ABLIM1: variants seen among roughly 807,000 people sequenced by gnomAD.
ABLIM1 encodes the protein actin binding LIM protein 1.
A neutral mutation model predicts 107.0 loss-of-function variants in ABLIM1; 40 were observed. The ratio of observed to expected loss-of-function variants is 0.37; its 90% CI spans 0.29 to 0.49. The LOEUF (loss-of-function observed/expected upper bound fraction) is 0.49. ABLIM1 is among the 20% of genes least tolerant of loss of function. ABLIM1 has a pLI of 0.97. For missense variants in ABLIM1, 857 were observed against 1,008.5 expected (o/e 0.85, Z 2.04); for synonymous variants, 357 against 357.3 (o/e 1.00, Z 0.01).
At chr10:114,451,123 C>T (rs904228293) in intron 14 of ABLIM1, among the ~76,000 whole-genome samples, 2 of 152,162 alleles carry the variant, frequency 1.3e-5, no homozygotes, top group Non-Finnish European at 2.9e-5. Flanking sequence ...AGAGCCTTGA[C>T]CTCTGTGTTA....
At chr10:114,512,588 G>GC (rs34126514) in intron 6 of ABLIM1, among the ~76,000 whole-genome samples, 48,748 of 151,952 alleles carry the variant, frequency 0.32, 9,677 homozygotes, top group Non-Finnish European at 0.45. Context: ...ACTTTAGGAG[G>GC]CCGAGGAGGA....
chr10:114,758,529 AT>A (rs941916718), intron 1 of ABLIM1, among the ~76,000 whole-genome samples: 1 of 151,998 alleles, frequency 6.6e-6, no homozygotes, highest in Non-Finnish European at 1.5e-5. Flanking sequence ...TCTTTTCTAC[AT>A]TTTTTTGACT....
rs2059264106 is a variant in ABLIM1 at position 114,435,324 on chromosome 10, T to A, written c.*936A>T. 6.6e-6 allele frequency: 1 copy of A among 152,188 alleles called. No individual in the cohort carries two copies. Among genetic ancestry groups the A allele is most frequent in the South Asian group, 2.1e-4 (1 of 4,814 alleles). 9.4% of individuals were successfully genotyped at this position (152,188 alleles called of 1,614,324 possible). A position where few individuals can be genotyped will look rare whatever the true frequency, so the allele number is the denominator to read the frequency against. On this transcript the variant is annotated 3_prime_UTR_variant, in exon 23 of 23. Transcript: ENST00000533213. Reference sequence around the variant, plus strand: ...AGGATAACGACTGGAAGAACTAGAGTCAGTAGGACATGGGACTTGTTTTTG... The same window carrying A: ...AGGATAACGACTGGAAGAACTAGAGACAGTAGGACATGGGACTTGTTTTTG...
intron 1 of ABLIM1, among the ~76,000 whole-genome samples, chr10:114,756,958 G>T (rs74158051): frequency 6.6e-6 from 1 of 152,154 alleles, no homozygotes; most frequent in African/African-American, 2.4e-5. Flanking sequence ...AAGGAAAGGA[G>T]CTAGGATCCC....
chr10:114,749,755 C>T (rs1455946577), intron 1 of ABLIM1, among the ~76,000 whole-genome samples: 1 of 152,106 alleles, frequency 6.6e-6, no homozygotes. Context: ...GCCCTAAACA[C>T]TCCAAGCACA....
chr10:114,553,182 G>C (rs2068291421), intron 4 of ABLIM1, among the ~76,000 whole-genome samples: 2 of 152,130 alleles, frequency 1.3e-5, no homozygotes, highest in African/African-American at 2.4e-5. Flanking sequence ...TGAGGACATG[G>C]GGCTAGCTAT....
At chr10:114,466,485 C>T (rs149064578) in intron 11 of ABLIM1, among the ~76,000 whole-genome samples, 1 of 152,182 alleles carries the variant, frequency 6.6e-6, no homozygotes, top group East Asian at 1.9e-4. Context: ...CATACTATCA[C>T]CTCCCTCCCC....
intron 12 of ABLIM1, among the ~76,000 whole-genome samples, chr10:114,461,396 T>G (rs1172190326): frequency 4.0e-5 from 4 of 101,104 alleles, no homozygotes; most frequent in Non-Finnish European, 6.3e-5. Context: ...CTGAAGGGTT[T>G]TTTTTTTTTT....
intron 1 of ABLIM1, among the ~76,000 whole-genome samples, chr10:114,640,361 T>C (rs2078684749): frequency 6.6e-6 from 1 of 152,194 alleles, no homozygotes; most frequent in African/African-American, 2.4e-5. Context: ...ACCTCGTCTC[T>C]ACTAAAAATA....
intron 1 of ABLIM1, among the ~76,000 whole-genome samples, chr10:114,698,596 G>T (rs1429134767): frequency 6.6e-6 from 1 of 152,040 alleles, no homozygotes; most frequent in Non-Finnish European, 1.5e-5. Context: ...GAAGAAAAAT[G>T]ACAAAATAGC....
chr10:114,772,532 A>G (rs765355372), upstream of ABLIM1, among the ~76,000 whole-genome samples: 3 of 152,146 alleles, frequency 2.0e-5, no homozygotes, highest in Admixed American at 6.5e-5. Flanking sequence ...ACTGGAGCCC[A>G]GGAGATTGAG....
chr10:114,529,123 C>T (rs1240590397), intron 6 of ABLIM1, among the ~76,000 whole-genome samples: 1 of 151,534 alleles, frequency 6.6e-6, no homozygotes, highest in Non-Finnish European at 1.5e-5. Context: ...GAGTCTTCAT[C>T]CTCTTTTTTT....
intron 1 of ABLIM1, among the ~76,000 whole-genome samples, chr10:114,644,097 T>C (rs113239194): frequency 0.021 from 3,198 of 150,354 alleles, 96 homozygotes; most frequent in African/African-American, 0.073. Context: ...CTGGCTAACA[T>C]GGTGAAACCC....
rs539966250 is a variant in ABLIM1 at position 114,492,174 on chromosome 10, G to A, written c.895-296C>T. Among the ~76,000 whole-genome samples the A allele has an allele frequency of 6.6e-5, 10 of 152,024 alleles. No individual in the cohort carries two copies. In the South Asian group the frequency reaches 1.9e-3, roughly 29 times the overall value. ...GATGGCTGCCACTAACACACCATAT[G>A]CCTGAGATGAGTCACTCCATCTCCC... On this transcript the variant is annotated intron_variant, in intron 6 of 22. Coordinates refer to ENST00000533213, the MANE Select transcript of ABLIM1 (RefSeq NM_002313.7).
chr10:114,465,881 C>A, intron 11 of ABLIM1, 54 bp from the exon 12 acceptor site: 4 of 1,582,120 alleles, frequency 2.5e-6, no homozygotes, highest in East Asian at 4.5e-5. Context: ...GTAGGAACCA[C>A]GCTTCACAAA....
chr10:114,692,509 A>G lies in ABLIM1; in HGVS notation c.-213+75552T>C, dbSNP rs1206541109. Among the ~76,000 whole-genome samples the G allele has an allele frequency of 2.0e-5, 3 of 152,158 alleles. No individual in the cohort carries two copies. In the East Asian group the frequency reaches 5.8e-4, roughly 29 times the overall value. ...TTGCAATGATCTTCCATATTTCCCC[A>G]AAAAACCTTTCCCCCCATCATCTCC... On this transcript the variant is annotated intron_variant, in intron 1 of 15. Coordinates refer to the ABLIM1 transcript ENST00000651092.
intron 1 of ABLIM1, among the ~76,000 whole-genome samples, chr10:114,631,410 C>A (rs982306769): frequency 6.6e-6 from 1 of 152,138 alleles, no homozygotes; most frequent in Non-Finnish European, 1.5e-5. Context: ...AGGTTATACA[C>A]GCAGAGCACC....
rs577161442 is a variant in ABLIM1, at chr10:114,542,551, G to A, written c.894+2454C>T. ...AGGAAGAAGGAGGAGGGAGAAGGGA[G>A]GAGGAGGGAAGAGAAGGGAGGAGGA... is the stretch of plus-strand genomic sequence containing the variant. On this transcript the variant is annotated intron_variant, in intron 6 of 22. Coordinates refer to ENST00000533213, the MANE Select transcript of ABLIM1 (RefSeq NM_002313.7). Among the ~76,000 whole-genome samples, 3 of 151,270 alleles carry A rather than the reference G, an allele frequency of 2.0e-5. No homozygotes were observed. The East Asian group carries it at 5.8e-4, about 29-fold the overall frequency.
At chr10:114,512,596 G>A (rs1416596997) in intron 6 of ABLIM1, among the ~76,000 whole-genome samples, 1 of 152,022 alleles carries the variant, frequency 6.6e-6, no homozygotes, top group East Asian at 1.9e-4. Flanking sequence ...AGGCCGAGGA[G>A]GACGGATCAC....
Sources: allele counts gnomAD v4.1 joint callset (sites outside exome capture counted in the v4.1 genomes callset), GRCh38; gene constraint gnomAD v4.1.1; transcripts MANE v1.5; gene names NCBI Gene and HGNC (gene_info 2026-07-23, HGNC 2026-07-21).